NUBPL: variants seen among roughly 807,000 people sequenced by gnomAD.
The protein encoded by NUBPL is NUBP iron-sulfur cluster assembly factor, mitochondrial.
In NUBPL, 31 loss-of-function variants were observed where a neutral mutation model predicts 45.7. That is an observed-to-expected ratio of 0.68 (90% CI 0.51 to 0.92). The LOEUF (loss-of-function observed/expected upper bound fraction) is 0.92, where lower values mean the gene tolerates loss of function less well. NUBPL is among the 40% of genes least tolerant of loss of function. The probability of loss-of-function intolerance (pLI) is 0.00; values close to 1 mark genes in which losing one functional copy is unlikely to be tolerated. For synonymous variants in NUBPL, 144 were observed against 140.9 expected (o/e 1.02, Z -0.15); for missense variants, 401 against 398.7 (o/e 1.01, Z -0.05).
At chr14:31,820,633 G>T (rs571929649) in intron 7 of NUBPL, among the ~76,000 whole-genome samples, 46 of 152,166 alleles carry the variant, frequency 3.0e-4, no homozygotes, top group African/African-American at 1.1e-3. Context: ...AGGCCAGCCC[G>T]ACAAATAAGG....
At chr14:31,728,513 A>T (rs1225736660) in intron 6 of NUBPL, among the ~76,000 whole-genome samples, 1 of 152,198 alleles carries the variant, frequency 6.6e-6, no homozygotes, top group Non-Finnish European at 1.5e-5. Flanking sequence ...CCACCTTGTA[A>T]CATGATGGTG....
At chr14:31,826,568 C>A in intron 7 of NUBPL, 61 bp from the exon 8 acceptor site, 1 of 1,446,614 alleles carries the variant, frequency 6.9e-7, no homozygotes, top group Non-Finnish European at 9.7e-7. Flanking sequence ...CAACATAATG[C>A]TGGAAGTAAT....
At chr14:31,676,701 G>T (rs1051644071) in intron 6 of NUBPL, among the ~76,000 whole-genome samples, 1 of 151,820 alleles carries the variant, frequency 6.6e-6, no homozygotes, top group Non-Finnish European at 1.5e-5. Flanking sequence ...ATGTGTATTA[G>T]ATCTCATATT....
At chr14:31,633,017 G>A (rs2035385135) in intron 4 of NUBPL, among the ~76,000 whole-genome samples, 1 of 152,228 alleles carries the variant, frequency 6.6e-6, no homozygotes, top group Admixed American at 6.5e-5. Context: ...TCATTTAGAG[G>A]AAGCTCAGTG....
Position 31,562,084 on chromosome 14 carries a change from G to A in NUBPL, c.125G>A (p.Ser42Asn), listed in dbSNP as rs1361325741. ...TTTTTAAAGTTGTCTGGCGCCGGGA[G>A]TGAGACCCTAAAACAAAGAAGAACA... Reference protein sequence around the residue: ...VCGRQLSGAGSETLKQRRTQI... With the variant: ...VCGRQLSGAGNETLKQRRTQI... The change falls in exon 2 of 11, where the codon AGT becomes AAT. Residue 42 changes from serine (S) to asparagine (N), a missense_variant. Ser to Asn is a conservative substitution (Grantham distance 46). Transcript: ENST00000281081. The A allele has an allele frequency of 6.2e-7, 1 of 1,604,584 alleles. No homozygotes were observed. The highest frequency in any genetic ancestry group is 1.1e-5 in the South Asian group (1 of 89,966).
At chr14:31,670,250 C>A (rs1251170827) in intron 4 of NUBPL, among the ~76,000 whole-genome samples, 2 of 151,974 alleles carry the variant, frequency 1.3e-5, no homozygotes, top group Non-Finnish European at 2.9e-5. Flanking sequence ...ATCTTTTTTT[C>A]ATATGTGTTT....
chr14:31,652,599 TTAAATGA>T (rs1002763486), intron 4 of NUBPL, among the ~76,000 whole-genome samples: 2 of 152,336 alleles, frequency 1.3e-5, no homozygotes, highest in Non-Finnish European at 2.9e-5. Context: ...TGCTTTTTCT[TTAAATGA>T]TGGCATTTAT....
At chr14:31,751,993 T>A (rs2138691397) in intron 6 of NUBPL, among the ~76,000 whole-genome samples, 1 of 152,340 alleles carries the variant, frequency 6.6e-6, no homozygotes, top group East Asian at 1.9e-4. Flanking sequence ...CTTTTAGCCA[T>A]GGCTGGAGCC....
intron 3 of NUBPL, among the ~76,000 whole-genome samples, chr14:31,584,876 C>T (rs1314556310): frequency 6.6e-6 from 1 of 152,168 alleles, no homozygotes; most frequent in African/African-American, 2.4e-5. Context: ...TGGATTATCA[C>T]AAAGTGGAAA....
At chr14:31,694,539 G>A (rs2037171313) in intron 6 of NUBPL, among the ~76,000 whole-genome samples, 1 of 152,072 alleles carries the variant, frequency 6.6e-6, no homozygotes, top group African/African-American at 2.4e-5. Flanking sequence ...TATTTATGAT[G>A]GAGTATTGCT....
intron 4 of NUBPL, among the ~76,000 whole-genome samples, chr14:31,620,803 G>A (rs1004559516): frequency 9.2e-5 from 14 of 152,302 alleles, no homozygotes; most frequent in Admixed American, 3.9e-4. Context: ...ATCAGAGCTC[G>A]AACACTGTGC....
chr14:31,729,280 C>CG lies in NUBPL; in HGVS notation c.513+55706_513+55707insG, dbSNP rs1555332385. 1.1e-4 allele frequency among the ~76,000 whole-genome samples: 15 copies of CG among 133,924 alleles called. 1 individual carries two copies. The highest frequency in any genetic ancestry group is 7.9e-4 in the South Asian group (3 of 3,780). 87.9% of individuals were successfully genotyped at this position (133,924 alleles called of 152,430 possible). A position where few individuals can be genotyped will look rare whatever the true frequency, so the allele number is the denominator to read the frequency against. On this transcript the variant is annotated intron_variant, in intron 6 of 10. Coordinates refer to ENST00000281081, the MANE Select transcript of NUBPL (RefSeq NM_025152.3). ...GGTGACAGAGAGATGCTCCATCCCC[C>CG]CCCCCCCCAAAAAAAAAGTCATTCA...
intron 10 of NUBPL, among the ~76,000 whole-genome samples, chr14:31,856,239 T>C (rs959506198): frequency 3.3e-5 from 5 of 151,926 alleles, no homozygotes; most frequent in Non-Finnish European, 7.4e-5. Flanking sequence ...GCAAGTAGAC[T>C]CCCATTTTTT....
intron 6 of NUBPL, among the ~76,000 whole-genome samples, chr14:31,697,558 A>G (rs2037240909): frequency 6.6e-6 from 1 of 152,228 alleles, no homozygotes. Context: ...TGCAATGCCA[A>G]GGTGACAAAC....
At chr14:31,855,480 C>G (rs2040601681) in intron 10 of NUBPL, among the ~76,000 whole-genome samples, 1 of 152,122 alleles carries the variant, frequency 6.6e-6, no homozygotes, top group African/African-American at 2.4e-5. Flanking sequence ...ACTTCATGAC[C>G]TTGAGCAAAT....
intron 6 of NUBPL, among the ~76,000 whole-genome samples, chr14:31,724,416 T>G (rs1236380553): frequency 1.3e-5 from 2 of 150,032 alleles, no homozygotes; most frequent in Non-Finnish European, 3.0e-5. Context: ...ATTATAATTA[T>G]AATCTCATGC....
intron 3 of NUBPL, among the ~76,000 whole-genome samples, chr14:31,579,521 A>G (rs1056716589): frequency 6.6e-6 from 1 of 152,322 alleles, no homozygotes; most frequent in Admixed American, 6.5e-5. Context: ...CCGTTTACCT[A>G]CTTAGTGATG....
At chr14:31,633,208 A>T (rs1401374771) in intron 4 of NUBPL, among the ~76,000 whole-genome samples, 1 of 152,142 alleles carries the variant, frequency 6.6e-6, no homozygotes, top group Non-Finnish European at 1.5e-5. Context: ...CCTTTGACCT[A>T]CCTCTCTGCA....
chr14:31,723,810 G>T (rs2037862590), intron 6 of NUBPL, among the ~76,000 whole-genome samples: 1 of 152,192 alleles, frequency 6.6e-6, no homozygotes, highest in South Asian at 2.1e-4. Context: ...CTGAAATGTT[G>T]CTGAAGTTGT....
Sources: gnomAD v4.1 joint callset for allele counts (sites outside exome capture counted in the v4.1 genomes callset) on GRCh38, gnomAD v4.1.1 for gene constraint, MANE v1.5 for transcripts, NCBI Gene and HGNC (gene_info 2026-07-23, HGNC 2026-07-21) for gene names.